The following MPI variants were observed in gnomAD, a reference collection of about 807,000 sequenced individuals.
The protein encoded by MPI is mannose phosphate isomerase, also known as mannose-6-phosphate isomerase.
Under a neutral mutation model 40.1 loss-of-function variants are expected in MPI, and 33 were observed. That is an observed-to-expected ratio of 0.82 (90% CI 0.62 to 1.10). MPI has a LOEUF of 1.10. Ranked by LOEUF, MPI falls within the 50% of genes least tolerant of loss-of-function variation. The probability of loss-of-function intolerance (pLI) is 0.00; values close to 1 mark genes in which losing one functional copy is unlikely to be tolerated. For missense variants in MPI, 514 were observed against 524.1 expected (o/e 0.98, Z 0.19); for synonymous variants, 187 against 207.4 (o/e 0.90, Z 0.85).
chr15:74,894,100 G>C (rs140257742), intron 5 of MPI, among the ~76,000 whole-genome samples: 5 of 53,270 alleles, frequency 9.4e-5, no homozygotes, highest in Admixed American at 5.2e-4. Flanking sequence ...GTGTGTGTGT[G>C]TGTGTGTGGT....
At position 74,891,281 on chromosome 15, in the gene MPI, G is replaced by T. The variant is rs1416194344; in HGVS notation, c.145-98G>T. 1.3e-5 allele frequency: 15 copies of T among 1,152,310 alleles called. No homozygotes were observed. In the Middle Eastern group the frequency reaches 7.6e-4, roughly 59 times the overall value. The allele number at this position is 1,152,310 out of a possible 1,614,324, so 71.4% of individuals were successfully genotyped here. On this transcript the variant is annotated intron_variant, in intron 2 of 7. Transcript: ENST00000352410. ...CCTGGGAGGCCTTTCCCAGGACTCA[G>T]TTGCCCTGTGGGGAGCACAGCATAA...
intron 5 of MPI, chr15:74,895,856 C>T (rs1041175795): frequency 3.0e-5 from 13 of 438,950 alleles, no homozygotes; most frequent in Admixed American, 1.1e-4. Flanking sequence ...ATGTCAGTAG[C>T]GCCAAGGCTG....
intron 2 of MPI, chr15:74,890,928 A>G: frequency 1.6e-6 from 1 of 620,378 alleles, no homozygotes; most frequent in African/African-American, 1.8e-5. Context: ...TTTTACTTTG[A>G]CTATTTTTTT....
In MPI at chr15:74,891,282, T is replaced by C. The variant is rs2064722157; in HGVS notation, c.145-97T>C. On this transcript the variant is annotated intron_variant, in intron 2 of 7. Coordinates refer to ENST00000352410, the MANE Select transcript of MPI (RefSeq NM_002435.3). ...CTGGGAGGCCTTTCCCAGGACTCAG[T>C]TGCCCTGTGGGGAGCACAGCATAAC... 57 of 1,157,240 alleles carry C rather than the reference T, an allele frequency of 4.9e-5. 1 individual carries two copies. The South Asian group carries it at 5.8e-4, about 12-fold the overall frequency. 71.7% of individuals were successfully genotyped at this position (1,157,240 alleles called of 1,614,324 possible).
Position 74,896,322 on chromosome 15 carries a change from G to A in MPI, c.841G>A (p.Gly281Arg). 1 of 1,614,098 alleles carries A rather than the reference G, an allele frequency of 6.2e-7. No homozygotes were observed. Among genetic ancestry groups the A allele is most frequent in the Non-Finnish European group, 8.5e-7 (1 of 1,180,014 alleles). Residue 281 changes from glycine (G) to arginine (R), a missense_variant, in exon 6 of 8, where the codon GGA becomes AGA. By Grantham distance (125) the Gly-to-Arg change is moderately radical (BLOSUM62 -2). Transcript: ENST00000352410. ...EANVPHAYLKGDCVECMACSD... is the reference protein window; with the variant it reads ...EANVPHAYLKRDCVECMACSD... The stretch of plus-strand genomic sequence containing the variant: ...CAACGTACCCCATGCCTACCTGAAA[G>A]GAGGTGAGCCACATTTCAGCAGTGA...
rs928682652 is a variant in MPI, at chr15:74,901,229, C to T, written c.*3499C>T. 6.6e-6 allele frequency: 1 copy of T among 152,628 alleles called. No individual in the cohort carries two copies. The highest frequency in any genetic ancestry group is 2.4e-5 in the African/African-American group (1 of 41,470). 9.5% of individuals were successfully genotyped at this position (152,628 alleles called of 1,614,324 possible). On this transcript the variant is annotated 3_prime_UTR_variant, in exon 8 of 8. Coordinates refer to ENST00000352410, the MANE Select transcript of MPI (RefSeq NM_002435.3). ...GCTGCAGTGAGCTGTGATTACACCA[C>T]TGCACTCCAGCCTGGGTGACAGAGA...
intron 2 of MPI, 66 bp downstream of exon 2, chr15:74,890,720 C>T (rs903606023): frequency 1.9e-6 from 3 of 1,603,116 alleles, no homozygotes; most frequent in African/African-American, 2.7e-5. Context: ...TGAGGCAAGT[C>T]ATAAGAATCA....
At position 74,898,357 on chromosome 15, in the gene MPI, G is replaced by A. The variant is rs2064854572; in HGVS notation, c.*627G>A. 1.1e-5 allele frequency: 2 copies of A among 177,306 alleles called. No individual in the cohort carries two copies. Among genetic ancestry groups the A allele is most frequent in the Non-Finnish European group, 2.5e-5 (2 of 81,374 alleles). 11.0% of individuals were successfully genotyped at this position (177,306 alleles called of 1,614,324 possible). A position where few individuals can be genotyped will look rare whatever the true frequency, so the allele number is the denominator to read the frequency against. On this transcript the variant is annotated 3_prime_UTR_variant, in exon 8 of 8. Transcript: ENST00000352410. ...ATACAGCTTCTCGGGGGAGTGAGCA[G>A]GCTACACTCCAGAACACCGGTATGG...
chr15:74,894,107 T>TTTCTGAGCCAG lies in MPI; in HGVS notation c.670+787_670+788insTTCTGAGCCAG, dbSNP rs147258431. Among the ~76,000 whole-genome samples the TTTCTGAGCCAG allele has an allele frequency of 2.5e-4, 15 of 60,982 alleles. 2 individuals carry two copies. Among genetic ancestry groups the TTTCTGAGCCAG allele is most frequent in the East Asian group, 1.7e-3 (5 of 2,862 alleles). The allele number at this position is 60,982 out of a possible 152,430, so 40.0% of individuals were successfully genotyped here. ...GTGTGTGTGTGTGTGTGTGTGTGTGTGGTCTCTTTCTGTTGCCCCAGGCTG... is the reference window on the plus strand; with the variant it reads ...GTGTGTGTGTGTGTGTGTGTGTGTGTTTCTGAGCCAGGGTCTCTTTCTGTTGCCCCAGGCTG... On this transcript the variant is annotated intron_variant, in intron 5 of 7. Transcript: ENST00000352410.
chr15:74,896,596 C>T lies in MPI; in HGVS notation c.844+271C>T, dbSNP rs539049957. The T allele has an allele frequency of 2.7e-4, 173 of 637,914 alleles. 1 individual carries two copies. Among genetic ancestry groups the T allele is most frequent in the South Asian group, 8.1e-4 (45 of 55,668 alleles). 39.5% of individuals were successfully genotyped at this position (637,914 alleles called of 1,614,324 possible). A position where few individuals can be genotyped will look rare whatever the true frequency, so the allele number is the denominator to read the frequency against. On this transcript the variant is annotated intron_variant, in intron 6 of 7. Coordinates refer to ENST00000352410, the MANE Select transcript of MPI (RefSeq NM_002435.3). ...GTCAGTGTGGGAACCACAATTTGAA[C>T]GCAGGCTATATTGGATCAAAGCTGT... is the stretch of plus-strand genomic sequence containing the variant.
At chr15:74,890,804 T>A (rs2064715091) in intron 2 of MPI, 150 bp downstream of exon 2, 4 of 1,041,522 alleles carry the variant, frequency 3.8e-6, no homozygotes, top group Non-Finnish European at 5.8e-6. Context: ...GATAGTGTTA[T>A]CAAAAAGAAG....
rs1439367430 is a variant in MPI, at chr15:74,890,660, C to T, written c.144+6C>T. ...AGGACAAGCCTTATGCAGAGGTGAG[C>T]CCCGGGCTGTATTTCAGCCCACTTT... On this transcript the variant is annotated splice_donor_region_variant and intron_variant, in intron 2 of 7. Coordinates refer to ENST00000352410, the MANE Select transcript of MPI (RefSeq NM_002435.3). 5.0e-6 allele frequency: 8 copies of T among 1,613,250 alleles called. No individual in the cohort carries two copies. Among genetic ancestry groups the T allele is most frequent in the African/African-American group, 2.7e-5 (2 of 74,902 alleles).
In MPI at chr15:74,891,500, C is replaced by T; in HGVS notation, c.266C>T (p.Thr89Ile). Residue 89 changes from threonine to isoleucine, a missense_variant, in exon 3 of 8, where the codon ACC becomes ATC. Thr to Ile is a moderately conservative substitution (Grantham distance 89). Transcript: ENST00000352410. ...AGCTTGGGCTCAAAGGTCAAGGACA[C>T]CTTTAATGGCAACCTGCCCTTCCTC... ...QDSLGSKVKD[T>I]FNGNLPFLFK... The T allele has an allele frequency of 6.2e-7, 1 of 1,614,256 alleles. No homozygotes were observed. The highest frequency in any genetic ancestry group is 1.1e-5 in the South Asian group (1 of 91,084).
rs2064965194 is a variant in MPI, at chr15:74,901,703, T to G, written c.*3973T>G. 1 of 159,122 alleles carries G rather than the reference T, an allele frequency of 6.3e-6. No homozygotes were observed. The highest frequency in any genetic ancestry group is 1.4e-5 in the Non-Finnish European group (1 of 72,882). 9.9% of individuals were successfully genotyped at this position (159,122 alleles called of 1,614,324 possible). The stretch of plus-strand genomic sequence containing the variant: ...ATACCCACTCTCACGAGTCCATTGC[T>G]ACTTCTCAAAAGTTTAAAAAGTAAA... On this transcript the variant is annotated 3_prime_UTR_variant, in exon 8 of 8. Coordinates refer to ENST00000352410, the MANE Select transcript of MPI (RefSeq NM_002435.3).
At chr15:74,893,693 T>A in intron 5 of MPI, 2 of 564,140 alleles carry the variant, frequency 3.5e-6, no homozygotes, top group South Asian at 4.2e-5. Context: ...CTCCCTCTCC[T>A]GGAAAGGACT....
rs763169640 is a variant in MPI at position 74,897,522 on chromosome 15, C to T, written c.1064C>T (p.Ser355Phe). 9.3e-6 allele frequency: 15 copies of T among 1,613,888 alleles called. No individual in the cohort carries two copies. Among genetic ancestry groups the T allele is most frequent in the Admixed American group, 8.3e-5 (5 of 59,998 alleles). Residue 355 changes from serine (S) to phenylalanine (F), a missense_variant, in exon 8 of 8, where the codon TCT becomes TTT. Transcript: ENST00000352410. Reference sequence around the variant, plus strand: ...TTTCTTCCTGCCCAGGTCCCTGGCTCTGTCACTGAATACAAGGTCTTGGCA... The same window carrying T: ...TTTCTTCCTGCCCAGGTCCCTGGCTTTGTCACTGAATACAAGGTCTTGGCA... ...FTIMKTEVPG[S>F]VTEYKVLALD...
At chr15:74,890,350 C>A in intron 1 of MPI, 177 bp from the exon 2 acceptor site, 1 of 902,412 alleles carries the variant, frequency 1.1e-6, no homozygotes, top group Non-Finnish European at 1.7e-6. Flanking sequence ...TTACTGCTGC[C>A]CATCTGACAG....
At position 74,890,221 on chromosome 15, in the gene MPI, G is replaced by C. The variant is rs552853072; in HGVS notation, c.16+132G>C. The C allele has an allele frequency of 1.5e-4, 199 of 1,307,000 alleles. 1 individual carries two copies. The highest frequency in any genetic ancestry group is 1.1e-3 in the Admixed American group (56 of 51,500). The allele number at this position is 1,307,000 out of a possible 1,614,324, so 81.0% of individuals were successfully genotyped here. On this transcript the variant is annotated intron_variant, in intron 1 of 7. Coordinates refer to ENST00000352410, the MANE Select transcript of MPI (RefSeq NM_002435.3). ...AGATGGGTGGGTGCCGGGCAGAGGT[G>C]TGGCCACCTGCGATGGGGATTGACC...
At chr15:74,897,301 C>A in intron 7 of MPI, 82 bp downstream of exon 7, 1 of 1,532,786 alleles carries the variant, frequency 6.5e-7, no homozygotes, top group South Asian at 1.1e-5. Flanking sequence ...ACACCTGGGG[C>A]TGGGTTTCCT....
Sources: allele counts gnomAD v4.1 joint callset (sites outside exome capture counted in the v4.1 genomes callset), GRCh38; gene constraint gnomAD v4.1.1; transcripts MANE v1.5; gene names NCBI Gene and HGNC (gene_info 2026-07-23, HGNC 2026-07-21).